Variants in CNTLN observed in about 807,000 individuals in gnomAD.
The protein encoded by CNTLN is centlein, also known as centlein, centrosomal protein.
In CNTLN, 212 loss-of-function variants were observed where a neutral mutation model predicts 180.0. The ratio of observed to expected loss-of-function variants is 1.18; its 90% CI spans 1.05 to 1.32. CNTLN has a LOEUF of 1.32. CNTLN is among the 40% of genes most tolerant of loss of function. The pLI is 0.00. For synonymous variants in CNTLN, 722 were observed against 563.1 expected (o/e 1.28, Z -3.99); for missense variants, 2,095 against 1,610.9 (o/e 1.30, Z -5.14).
intron 25 of CNTLN, among the ~76,000 whole-genome samples, chr9:17,489,638 G>T (rs1477807137): frequency 3.3e-5 from 5 of 151,928 alleles, no homozygotes; most frequent in African/African-American, 9.7e-5. Flanking sequence ...AAAATAAAAA[G>T]CTGTTCTTCC....
At chr9:17,310,826 T>C (rs931688992) in intron 8 of CNTLN, among the ~76,000 whole-genome samples, 4 of 152,168 alleles carry the variant, frequency 2.6e-5, no homozygotes, top group African/African-American at 9.7e-5. Flanking sequence ...CTAGCCAGTA[T>C]GTGTCTTCTT....
chr9:17,521,864 A>T, the CNTLN span, among the ~76,000 whole-genome samples: 4 of 152,236 alleles, frequency 2.6e-5, no homozygotes, highest in Non-Finnish European at 4.4e-5. Flanking sequence ...TGCTCTAAAA[A>T]ATTGCAAATG....
chr9:17,154,405 A>G (rs563737232), intron 2 of CNTLN, among the ~76,000 whole-genome samples: 1 of 152,180 alleles, frequency 6.6e-6, no homozygotes, highest in Non-Finnish European at 1.5e-5. Context: ...CCTCTTCTGC[A>G]GGTGTGTTGG....
At chr9:17,467,941 G>A (rs542743490) in intron 23 of CNTLN, among the ~76,000 whole-genome samples, 1 of 151,666 alleles carries the variant, frequency 6.6e-6, no homozygotes, top group African/African-American at 2.4e-5. Flanking sequence ...ACATGCATGC[G>A]TATGTTCATT....
intron 25 of CNTLN, among the ~76,000 whole-genome samples, chr9:17,493,260 TA>T (rs1304291993): frequency 1.3e-5 from 2 of 152,120 alleles, no homozygotes; most frequent in Admixed American, 6.6e-5. Context: ...AAACAATTTT[TA>T]AAAAATCTAA....
intron 15 of CNTLN, among the ~76,000 whole-genome samples, chr9:17,400,978 AT>A (rs1230461030): frequency 1.3e-5 from 2 of 152,306 alleles, no homozygotes; most frequent in Admixed American, 1.3e-4. Flanking sequence ...AATCTTGGAA[AT>A]TTTTATACTG....
In CNTLN at chr9:17,429,687, G is replaced by C. The variant is rs528103671; in HGVS notation, c.3114+13498G>C. On this transcript the variant is annotated intron_variant, in intron 18 of 25. Transcript: ENST00000380647. ...CGCGTGGGTAAATGACTTATCCATG[G>C]GTCATGGTTAGTAAATGGGAAGTCA... 2.0e-5 allele frequency among the ~76,000 whole-genome samples: 3 copies of C among 151,942 alleles called. No individual in the cohort carries two copies. In the East Asian group the frequency reaches 5.8e-4, roughly 29 times the overall value.
intron 19 of CNTLN, among the ~76,000 whole-genome samples, chr9:17,462,568 A>G (rs903248375): frequency 6.6e-6 from 1 of 151,784 alleles, no homozygotes; most frequent in Non-Finnish European, 1.5e-5. Context: ...TAAATCCAGT[A>G]TTTGTTTTAA....
intron 2 of CNTLN, among the ~76,000 whole-genome samples, chr9:17,174,908 T>C (rs1820628353): frequency 6.6e-6 from 1 of 152,232 alleles, no homozygotes; most frequent in Non-Finnish European, 1.5e-5. Flanking sequence ...TTAATGATGT[T>C]GAACATCTTT....
intron 18 of CNTLN, among the ~76,000 whole-genome samples, chr9:17,424,441 C>T (rs1484611905): frequency 6.6e-6 from 1 of 152,060 alleles, no homozygotes; most frequent in East Asian, 1.9e-4. Flanking sequence ...GTGGATACCT[C>T]TTTCTAGTAA....
chr9:17,378,444 G>T (rs1332350547), intron 13 of CNTLN, among the ~76,000 whole-genome samples: 2 of 152,140 alleles, frequency 1.3e-5, no homozygotes, highest in Non-Finnish European at 1.5e-5. Flanking sequence ...CTCCCAAAGT[G>T]CTGGGATTAC....
Position 17,330,683 on chromosome 9 carries a change from A to T in CNTLN, c.1393A>T (p.Lys465Ter), listed in dbSNP as rs756035667. Residue 465 changes from lysine to a stop codon, truncating the protein, a stop_gained, in exon 9 of 26, where the codon AAG (lysine) becomes TAG (stop). Transcript: ENST00000380647. LOFTEE classifies it high-confidence loss of function. Reference protein sequence around the residue: ...SSLETLMVSQKSEIEYLQEKL... With the variant: ...SSLETLMVSQ ...CTTAGAAACGTTAATGGTTTCACAG[A>T]AGTCTGAAATTGAGTATTTACAGGA... is the stretch of plus-strand genomic sequence containing the variant. The T allele has an allele frequency of 6.2e-7, 1 of 1,611,238 alleles. No homozygotes were observed. The highest frequency in any genetic ancestry group is 8.5e-7 in the Non-Finnish European group (1 of 1,178,360).
intron 5 of CNTLN, among the ~76,000 whole-genome samples, chr9:17,249,488 A>G (rs923775975): frequency 6.6e-6 from 1 of 151,658 alleles, no homozygotes; most frequent in Non-Finnish European, 1.5e-5. Context: ...AGCTGGGACT[A>G]CAGGTGCCTG....
chr9:17,522,747 T>C, the CNTLN span, among the ~76,000 whole-genome samples: 2 of 152,266 alleles, frequency 1.3e-5, no homozygotes, highest in South Asian at 2.1e-4. Context: ...AAACCCACTT[T>C]TTTAAAATTT....
chr9:17,405,924 T>C (rs769044100), intron 15 of CNTLN, among the ~76,000 whole-genome samples: 6 of 151,730 alleles, frequency 4.0e-5, no homozygotes, highest in African/African-American at 1.5e-4. Context: ...TACAGGCATG[T>C]GCCACCACAC....
At chr9:17,312,343 TTATATATATATATATATATATTATATA>T (rs1331537080) in intron 8 of CNTLN, among the ~76,000 whole-genome samples, 2 of 30,372 alleles carry the variant, frequency 6.6e-5, no homozygotes, top group African/African-American at 9.1e-5. Flanking sequence ...ATTACTGTAT[TTATATATATATATATATATATTATATA>T]TATATATATA....
intron 25 of CNTLN, among the ~76,000 whole-genome samples, chr9:17,491,925 C>G: frequency 7.1e-6 from 1 of 141,138 alleles, no homozygotes; most frequent in Non-Finnish European, 1.5e-5. Context: ...TGAAGGTTAA[C>G]TGAAAGTTTC....
At position 17,293,299 on chromosome 9, in the gene CNTLN, C is replaced by T. The variant is rs144612588; in HGVS notation, c.984-4891C>T. Among the ~76,000 whole-genome samples the T allele has an allele frequency of 8.0e-3, 1,223 of 152,312 alleles. 10 individuals carry two copies. The highest frequency in any genetic ancestry group is 0.011 in the Non-Finnish European group (746 of 68,014). On this transcript the variant is annotated intron_variant, in intron 6 of 25. Coordinates refer to ENST00000380647, the MANE Select transcript of CNTLN (RefSeq NM_017738.4). ...ATGAAGCATTCTGGCTGCCCCTTGG[C>T]GGAGCGGGTGCGCTGTGCTGTGGCG...
intron 18 of CNTLN, among the ~76,000 whole-genome samples, chr9:17,438,879 A>G (rs1312316401): frequency 6.6e-6 from 1 of 152,204 alleles, no homozygotes; most frequent in Non-Finnish European, 1.5e-5. Flanking sequence ...CAGAAGTTGG[A>G]CAGATGAGAA....
Sources: gnomAD v4.1 joint callset for allele counts (sites outside exome capture counted in the v4.1 genomes callset) on GRCh38, gnomAD v4.1.1 for gene constraint, MANE v1.5 for transcripts, NCBI Gene and HGNC (gene_info 2026-07-23, HGNC 2026-07-21) for gene names.